Variants in CELF2 observed in about 807,000 individuals in gnomAD.
CELF2 encodes CUGBP Elav-like family member 2.
A neutral mutation model predicts 62.6 loss-of-function variants in CELF2; 8 were observed. The observed-to-expected ratio is 0.13, with a 90% CI of 0.07 to 0.23. CELF2 has a LOEUF of 0.23. Ranked by LOEUF, CELF2 falls within the 10% of genes least tolerant of loss-of-function variation. The pLI, the probability that CELF2 is intolerant of heterozygous loss-of-function variation, is 1.00. For missense variants in CELF2, 333 were observed against 671.0 expected, an observed-to-expected ratio of 0.50 and a Z score of 5.56; for synonymous variants, 258 against 250.0, an observed-to-expected ratio of 1.03 and a Z score of -0.30.
intron 7 of CELF2, among the ~76,000 whole-genome samples, chr10:11,272,628 C>T (rs1446623725): frequency 6.6e-6 from 1 of 152,208 alleles, no homozygotes; most frequent in African/African-American, 2.4e-5. Flanking sequence ...GAAATCTCAG[C>T]CTGATTTATA....
intron 1 of CELF2, among the ~76,000 whole-genome samples, chr10:11,091,422 C>A (rs1290098438): frequency 1.3e-5 from 2 of 152,198 alleles, no homozygotes; most frequent in African/African-American, 4.8e-5. Context: ...AAAATACTGA[C>A]CTCCATGCCT....
chr10:10,857,777 T>C (rs896409487), intron 1 of CELF2, among the ~76,000 whole-genome samples: 5 of 148,000 alleles, frequency 3.4e-5, no homozygotes, highest in Admixed American at 6.8e-5. Flanking sequence ...AAAGACCCAG[T>C]AAGGAGTCAT....
chr10:11,203,022 A>G (rs910182674), intron 2 of CELF2, among the ~76,000 whole-genome samples: 2 of 151,796 alleles, frequency 1.3e-5, no homozygotes. Flanking sequence ...AAAGACTCAG[A>G]AATCCATCCT....
At chr10:11,184,820 G>A (rs768060716) in intron 2 of CELF2, among the ~76,000 whole-genome samples, 26 of 152,066 alleles carry the variant, frequency 1.7e-4, no homozygotes, top group African/African-American at 2.2e-4. Context: ...GTAAATGGTC[G>A]TGTCATTTGC....
the CELF2 span, among the ~76,000 whole-genome samples, chr10:10,689,525 A>T: frequency 6.6e-6 from 1 of 152,246 alleles, no homozygotes; most frequent in Non-Finnish European, 1.5e-5. Flanking sequence ...AACATGAAAA[A>T]TGAAAACTAG....
At chr10:11,005,255 GGAGA>G (rs529664321), upstream of CELF2, 57,847 of 1,154,264 alleles carry the variant, frequency 0.05, 363 homozygotes, top group East Asian at 0.12. The surrounding 1 kb of genome is among the most constrained non-coding windows in gnomAD (Gnocchi z 4.3). Flanking sequence ...AGAGAGAGAG[GGAGA>G]GAGAGAGAGA....
intron 1 of CELF2, among the ~76,000 whole-genome samples, chr10:11,161,335 T>C (rs2065680478): frequency 6.6e-6 from 1 of 152,182 alleles, no homozygotes; most frequent in Non-Finnish European, 1.5e-5. Context: ...GCACTCAGGA[T>C]CTCATTGCAG....
chr10:11,283,612 A>G (rs2089788151), intron 8 of CELF2, among the ~76,000 whole-genome samples: 1 of 149,486 alleles, frequency 6.7e-6, no homozygotes, highest in Non-Finnish European at 1.5e-5. Flanking sequence ...ATGGGGGCTG[A>G]ATGATGGATG....
the CELF2 span, among the ~76,000 whole-genome samples, chr10:10,673,606 G>A: frequency 2.6e-5 from 4 of 151,776 alleles, no homozygotes; most frequent in South Asian, 2.1e-4. Flanking sequence ...TCTTTTCTTA[G>A]TTTCTTACAG....
the CELF2 span, among the ~76,000 whole-genome samples, chr10:10,529,918 C>T: frequency 1.3e-5 from 2 of 152,244 alleles, no homozygotes; most frequent in African/African-American, 2.4e-5. Flanking sequence ...AATTTAAGAA[C>T]GTTCCTTTGT....
At chr10:11,065,366 T>G (rs1404756289) in intron 1 of CELF2, among the ~76,000 whole-genome samples, 1 of 152,236 alleles carries the variant, frequency 6.6e-6, no homozygotes, top group African/African-American at 2.4e-5. Context: ...GACGGTAAAT[T>G]CTTGAACTGC....
the CELF2 span, among the ~76,000 whole-genome samples, chr10:10,753,519 T>C: frequency 1.4e-4 from 21 of 152,178 alleles, no homozygotes; most frequent in Non-Finnish European, 2.5e-4. Flanking sequence ...ATACGAATGG[T>C]GTCATGAAAA....
intron 2 of CELF2, among the ~76,000 whole-genome samples, chr10:10,955,995 G>A (rs1487948041): frequency 6.6e-6 from 1 of 152,148 alleles, no homozygotes; most frequent in East Asian, 1.9e-4. Flanking sequence ...TCATCATTTG[G>A]AATTGTTCAG....
the CELF2 span, among the ~76,000 whole-genome samples, chr10:10,746,799 G>A: frequency 7.9e-5 from 12 of 152,154 alleles, no homozygotes; most frequent in East Asian, 1.9e-4. Context: ...TAAATATCTT[G>A]AATGTACCAA....
At chr10:10,740,081 T>C in the CELF2 span, among the ~76,000 whole-genome samples, 1 of 152,016 alleles carries the variant, frequency 6.6e-6, no homozygotes, top group Non-Finnish European at 1.5e-5. Context: ...TTTCATTGTG[T>C]TGATTGTTTC....
chr10:10,968,487 A>ATTG (rs2136130994), intron 2 of CELF2, among the ~76,000 whole-genome samples: 1 of 152,284 alleles, frequency 6.6e-6, no homozygotes, highest in African/African-American at 2.4e-5. Context: ...ATGAGCACTT[A>ATTG]TTGTTTCTAA....
chr10:10,656,057 G>A, the CELF2 span, among the ~76,000 whole-genome samples: 23 of 150,050 alleles, frequency 1.5e-4, no homozygotes, highest in African/African-American at 3.2e-4. Flanking sequence ...AAAAGTGGGC[G>A]AAGGACATGA....
chr10:11,112,315 C>CG (rs1232169033), intron 1 of CELF2, among the ~76,000 whole-genome samples: 1 of 152,164 alleles, frequency 6.6e-6, no homozygotes, highest in East Asian at 1.9e-4. Context: ...CCATCAAGAT[C>CG]GCATTCGCTA....
chr10:10,881,151 C>T (rs2061414507), intron 1 of CELF2, among the ~76,000 whole-genome samples: 1 of 152,174 alleles, frequency 6.6e-6, no homozygotes, highest in East Asian at 1.9e-4. Flanking sequence ...CAGTTGCTCA[C>T]CACTGTCCCT....
Sources: gnomAD v4.1 joint callset for allele counts (sites outside exome capture counted in the v4.1 genomes callset) on GRCh38, gnomAD v4.1.1 for gene constraint, Gnocchi (gnomAD v3.1) non-coding constraint, MANE v1.5 for transcripts, NCBI Gene and HGNC (gene_info 2026-07-23, HGNC 2026-07-21) for gene names.